CYP26B1: variants seen among roughly 807,000 people sequenced by gnomAD.
CYP26B1 encodes the protein cytochrome P450 family 26 subfamily B member 1, also known as cytochrome P450 26B1.
CYP26B1 carries 8 observed loss-of-function variants against 39.1 expected under a neutral mutation model. That is an observed-to-expected ratio of 0.20 (90% confidence interval 0.12 to 0.37). The LOEUF (loss-of-function observed/expected upper bound fraction) is 0.37, where lower values mean the gene tolerates loss of function less well. Among genes scored for constraint, CYP26B1 ranks in the 10% least tolerant of loss-of-function variants. The pLI is 1.00. For synonymous variants in CYP26B1, 321 were observed against 314.3 expected (o/e 1.02, Z -0.23); for missense variants, 615 against 707.0 (o/e 0.87, Z 1.48).
intron 2 of CYP26B1, 80 bp downstream of exon 2, chr2:72,143,909 G>A: frequency 2.0e-6 from 3 of 1,518,560 alleles, no homozygotes; most frequent in Non-Finnish European, 2.7e-6. Flanking sequence ...ATTCGGTAGG[G>A]GACATTCCCC....
chr2:72,141,896 C>T (rs534003797), intron 2 of CYP26B1, among the ~76,000 whole-genome samples: 9 of 152,300 alleles, frequency 5.9e-5, no homozygotes, highest in South Asian at 2.1e-4. Context: ...ACATGCCCCA[C>T]GTGGCAAGCA....
rs1676538813 is a variant in CYP26B1, at chr2:72,130,635, A to G, written c.*1592T>C. 6.6e-6 allele frequency: 1 copy of G among 152,184 alleles called. No individual in the cohort carries two copies. The highest frequency in any genetic ancestry group is 1.9e-4 in the East Asian group (1 of 5,192). 9.4% of individuals were successfully genotyped at this position (152,184 alleles called of 1,614,324 possible). A position where few individuals can be genotyped will look rare whatever the true frequency, so the allele number is the denominator to read the frequency against. On this transcript the variant is annotated 3_prime_UTR_variant, in exon 6 of 6. Transcript: ENST00000001146. ...CTTTTACAACATCAAAAACCAATAA[A>G]CACAGAAAGCAAGGAAAAATCTAGA... is the stretch of plus-strand genomic sequence containing the variant.
intron 2 of CYP26B1, among the ~76,000 whole-genome samples, chr2:72,142,211 C>A (rs1198931903): frequency 6.6e-6 from 1 of 152,154 alleles, no homozygotes; most frequent in African/African-American, 2.4e-5. Flanking sequence ...CCCTTCCCAG[C>A]CAACACCGGG....
rs771644483 is a variant in CYP26B1 at position 72,135,272 on chromosome 2, C to T, written c.577G>A (p.Ala193Thr). The T allele has an allele frequency of 3.1e-6, 5 of 1,614,086 alleles. No homozygotes were observed. Among genetic ancestry groups the T allele is most frequent in the South Asian group, 1.1e-5 (1 of 91,086 alleles). Residue 193 changes from alanine to threonine, a missense_variant, in exon 3 of 6, where the codon GCC becomes ACC. Ala to Thr is a moderately conservative substitution (Grantham distance 58). Transcript: ENST00000001146. Reference protein sequence around the residue: ...QEAQKLTFRMAIRVLLGFSIP... With the variant: ...QEAQKLTFRMTIRVLLGFSIP... ...CTGAAGCCCAGCAGCACCCGGATGG[C>T]CATGCGGAAGGTCAGCTTCTGCGCC...
At chr2:72,135,714 C>G (rs891950289) in intron 2 of CYP26B1, among the ~76,000 whole-genome samples, 1 of 152,108 alleles carries the variant, frequency 6.6e-6, no homozygotes, top group Admixed American at 6.5e-5. Context: ...GGAGCACAGT[C>G]GTTGGACTGT....
In CYP26B1 at chr2:72,143,989, C is replaced by T; in HGVS notation, c.429G>A (p.Lys143=). ...GGAAGAAAACGGGCAGAGTTCTTACCTTGCGCTTGTTGCGGTGGATGTCGC... is the reference window on the plus strand; with the variant it reads ...GGAAGAAAACGGGCAGAGTTCTTACTTTGCGCTTGTTGCGGTGGATGTCGC... The part of the protein sequence containing the change: ...SIGDIHRNKR[K]VFSKIFSHEA... Residue 143 remains lysine, a splice_region_variant and synonymous_variant, in exon 2 of 6, where the codon AAG becomes AAA. Transcript: ENST00000001146. 2.5e-6 allele frequency: 4 copies of T among 1,613,456 alleles called. No individual in the cohort carries two copies. In the African/African-American group the frequency reaches 5.3e-5, roughly 21 times the overall value.
intron 2 of CYP26B1, among the ~76,000 whole-genome samples, chr2:72,138,493 T>C (rs575224491): frequency 1.7e-3 from 262 of 152,330 alleles, no homozygotes; most frequent in Non-Finnish European, 3.1e-3. Flanking sequence ...GCTACTTCCC[T>C]GACCACAGGC....
chr2:72,136,707 G>A (rs1292753788), intron 2 of CYP26B1, among the ~76,000 whole-genome samples: 3 of 152,194 alleles, frequency 2.0e-5, no homozygotes, highest in Admixed American at 2.0e-4. Flanking sequence ...AGTTTTGGGG[G>A]TCCGAGGGAA....
rs1468452722 is a variant in CYP26B1, at chr2:72,147,776, A to G, written c.59T>C (p.Val20Ala). 1.9e-6 allele frequency: 3 copies of G among 1,574,392 alleles called. No individual in the cohort carries two copies. Among genetic ancestry groups the G allele is most frequent in the Non-Finnish European group, 2.6e-6 (3 of 1,161,204 alleles). ...CACGGCCAGCAGCAGCGTCACGGAC[A>G]CCAGGCACGCGGCGAGGGTGGCCAG... The part of the protein sequence containing the change: ...SALATLAACL[V>A]SVTLLLAVSQ... Residue 20 changes from valine to alanine, a missense_variant, in exon 1 of 6, where the codon GTG (valine) becomes GCG (alanine). Physicochemically the swap from Val to Ala is moderately conservative, Grantham distance 64 (BLOSUM62 0). Transcript: ENST00000001146. This position sits in a 1 kb window ranked among gnomAD's most constrained non-coding sequence, Gnocchi z 6.1.
In CYP26B1 at chr2:72,132,098, G is replaced by A. The variant is rs1342923004; in HGVS notation, c.*129C>T. 8.3e-6 allele frequency: 9 copies of A among 1,088,488 alleles called. No individual in the cohort carries two copies. Among genetic ancestry groups the A allele is most frequent in the African/African-American group, 1.6e-5 (1 of 63,432 alleles). The allele number at this position is 1,088,488 out of a possible 1,614,324, so 67.4% of individuals were successfully genotyped here. On this transcript the variant is annotated 3_prime_UTR_variant, in exon 6 of 6. Coordinates refer to ENST00000001146, the MANE Select transcript of CYP26B1 (RefSeq NM_019885.4). Reference sequence around the variant, plus strand: ...CTTTGGGTAGGGTTTGCCAGGGAGGGGGAGCAAGGGAGGGCAAGTATGGGG... The same window carrying A: ...CTTTGGGTAGGGTTTGCCAGGGAGGAGGAGCAAGGGAGGGCAAGTATGGGG...
intron 2 of CYP26B1, among the ~76,000 whole-genome samples, chr2:72,140,044 G>A (rs1307823376): frequency 6.6e-6 from 1 of 152,156 alleles, no homozygotes; most frequent in Non-Finnish European, 1.5e-5. Flanking sequence ...CAGCCAGCAT[G>A]GGGGGCCCAG....
rs1249329697 is a variant in CYP26B1 at position 72,132,267 on chromosome 2, A to C, written c.1499T>G (p.Ile500Ser). The C allele has an allele frequency of 3.7e-6, 6 of 1,604,732 alleles. No homozygotes were observed. Among genetic ancestry groups the C allele is most frequent in the Non-Finnish European group, 5.1e-6 (6 of 1,176,128 alleles). Reference sequence around the variant, plus strand: ...CAGCATGGCCTCCGTCTCCGGCAGGATCTCGTTCTGGTTGGAGTCCAGGCC... The same window carrying C: ...CAGCATGGCCTCCGTCTCCGGCAGGCTCTCGTTCTGGTTGGAGTCCAGGCC... Reference protein sequence around the residue: ...FFGLDSNQNEILPETEAMLSA... With the variant: ...FFGLDSNQNESLPETEAMLSA... The change falls in exon 6 of 6, where the codon ATC (isoleucine) becomes AGC (serine). Residue 500 changes from isoleucine (I) to serine (S), a missense_variant. Ile to Ser is a moderately radical substitution (Grantham distance 142, BLOSUM62 -2). Coordinates refer to ENST00000001146, the MANE Select transcript of CYP26B1 (RefSeq NM_019885.4).
Position 72,147,611 on chromosome 2 carries a change from C to T in CYP26B1, c.204+20G>A, listed in dbSNP as rs1157866338. On this transcript the variant is annotated intron_variant, in intron 1 of 5. Transcript: ENST00000001146. This position sits in a 1 kb window ranked among gnomAD's most constrained non-coding sequence, Gnocchi z 6.1. ...GCAGCTAGCGGACCCCGGAGTGCAG[C>T]GGAGCGAGCGCGCCCTTACCTGCAG... is the stretch of plus-strand genomic sequence containing the variant. 6 of 1,599,198 alleles carry T rather than the reference C, an allele frequency of 3.8e-6. No individual in the cohort carries two copies. The highest frequency in any genetic ancestry group is 4.3e-6 in the Non-Finnish European group (5 of 1,174,638).
Position 72,132,247 on chromosome 2 carries a change from T to G in CYP26B1, c.1519A>C (p.Met507Leu). ...TTGGGTTAGACTGTGGCGCTCAGCATGGCCTCCGTCTCCGGCAGGATCTCG... is the reference window on the plus strand; with the variant it reads ...TTGGGTTAGACTGTGGCGCTCAGCAGGGCCTCCGTCTCCGGCAGGATCTCG... ...QNEILPETEA[M>L]LSATV Residue 507 changes from methionine (M) to leucine (L), a missense_variant, in exon 6 of 6, where the codon ATG becomes CTG. By Grantham distance (15) the Met-to-Leu change is conservative. Coordinates refer to ENST00000001146, the MANE Select transcript of CYP26B1 (RefSeq NM_019885.4). The G allele has an allele frequency of 1.2e-6, 2 of 1,603,552 alleles. No homozygotes were observed. Among genetic ancestry groups the G allele is most frequent in the East Asian group, 4.5e-5 (2 of 44,528 alleles).
Position 72,133,318 on chromosome 2 carries a change from C to G in CYP26B1, c.862-11G>C. On this transcript the variant is annotated splice_polypyrimidine_tract_variant and intron_variant, in intron 4 of 5. Transcript: ENST00000001146. Reference sequence around the variant, plus strand: ...CTCCAGGGTCCCGTCCTGCAGGGCACAGAGGAGAGGTGTTGTTGGAGGTGT... The same window carrying G: ...CTCCAGGGTCCCGTCCTGCAGGGCAGAGAGGAGAGGTGTTGTTGGAGGTGT... 6.3e-7 allele frequency: 1 copy of G among 1,599,292 alleles called. No individual in the cohort carries two copies. Among genetic ancestry groups the G allele is most frequent in the Non-Finnish European group, 8.5e-7 (1 of 1,178,776 alleles).
At chr2:72,145,757 G>T (rs1245289324) in intron 1 of CYP26B1, among the ~76,000 whole-genome samples, 1 of 152,096 alleles carries the variant, frequency 6.6e-6, no homozygotes, top group Non-Finnish European at 1.5e-5. Context: ...GTTTTTTGTG[G>T]CATTAATAAA....
At position 72,132,043 on chromosome 2, in the gene CYP26B1, GAGCC is replaced by G; in HGVS notation, c.*180_*183del. On this transcript the variant is annotated 3_prime_UTR_variant, in exon 6 of 6. Coordinates refer to ENST00000001146, the MANE Select transcript of CYP26B1 (RefSeq NM_019885.4). ...TGGAGGGAAGCTGGAGCCAGAAGGG[GAGCC>G]CAGCCCTAGGAATGGGGCCCACTGG... 1 of 666,662 alleles carries G rather than the reference GAGCC, an allele frequency of 1.5e-6. No individual in the cohort carries two copies. The highest frequency in any genetic ancestry group is 2.7e-5 in the East Asian group (1 of 36,416). The allele number at this position is 666,662 out of a possible 1,614,324, so 41.3% of individuals were successfully genotyped here.
rs1432342083 is a variant in CYP26B1 at position 72,133,274 on chromosome 2, C to A, written c.895G>T (p.Ala299Ser). The A allele has an allele frequency of 6.2e-7, 1 of 1,609,334 alleles. No individual in the cohort carries two copies. The highest frequency in any genetic ancestry group is 8.5e-7 in the Non-Finnish European group (1 of 1,179,700). Residue 299 changes from alanine to serine, a missense_variant, in exon 5 of 6, where the codon GCC becomes TCC. Coordinates refer to ENST00000001146, the MANE Select transcript of CYP26B1 (RefSeq NM_019885.4). ...GTLELIFAAY[A>S]TTASASTSLI... ...GAGGTGCTGGCGCTGGCCGTGGTGG[C>A]ATAGGCCGCAAAGATCAGCTCCAGG...
rs1471226375 is a variant in CYP26B1 at position 72,134,907 on chromosome 2, C to T, written c.715G>A (p.Ala239Thr). Residue 239 changes from alanine (A) to threonine (T), a missense_variant, in exon 4 of 6, where the codon GCT becomes ACT. Transcript: ENST00000001146. ...PFSGYRRGIQ[A>T]RQILQKGLEK... The stretch of plus-strand genomic sequence containing the variant: ...AGCCCCTTCTGCAGGATCTGCCGAG[C>T]CTGAATGCCCTGCAGAGGTGAGGGC... 1 of 1,613,886 alleles carries T rather than the reference C, an allele frequency of 6.2e-7. No homozygotes were observed. The highest frequency in any genetic ancestry group is 2.2e-5 in the East Asian group (1 of 44,862).
Sources: allele counts gnomAD v4.1 joint callset (sites outside exome capture counted in the v4.1 genomes callset), GRCh38; gene constraint gnomAD v4.1.1; non-coding constraint Gnocchi (gnomAD v3.1); transcripts MANE v1.5; gene names NCBI Gene and HGNC (gene_info 2026-07-23, HGNC 2026-07-21).